The following BZW2 variants were observed in gnomAD, a reference collection of about 807,000 sequenced individuals.
The protein encoded by BZW2 is basic leucine zipper and W2 domains 2.
Under a neutral mutation model 53.2 loss-of-function variants are expected in BZW2, and 23 were observed. The ratio of observed to expected loss-of-function variants is 0.43; its 90% CI spans 0.31 to 0.61. The LOEUF (loss-of-function observed/expected upper bound fraction) is 0.61. Among genes scored for constraint, BZW2 ranks in the 20% least tolerant of loss-of-function variants. The pLI is 0.09. For synonymous variants in BZW2, 227 were observed against 186.4 expected, an observed-to-expected ratio of 1.22 and a Z score of -1.77; for missense variants, 409 against 503.1, an observed-to-expected ratio of 0.81 and a Z score of 1.79.
At chr7:16,698,362 C>T (rs554325422) in intron 10 of BZW2, 176 bp downstream of exon 10, 15 of 817,566 alleles carry the variant, frequency 1.8e-5, no homozygotes, top group South Asian at 1.1e-4. Flanking sequence ...GAGGCATACA[C>T]GCCATATATG....
chr7:16,681,600 G>A (rs189511776), intron 4 of BZW2, among the ~76,000 whole-genome samples, 196 bp downstream of exon 4: 439 of 152,306 alleles, frequency 2.9e-3, no homozygotes, highest in Non-Finnish European at 5.3e-3. Flanking sequence ...GGAGGCCATG[G>A]CAGGCGGATC....
At chr7:16,673,199 G>A (rs1051599996) in intron 2 of BZW2, among the ~76,000 whole-genome samples, 2 of 152,162 alleles carry the variant, frequency 1.3e-5, no homozygotes, top group African/African-American at 2.4e-5. Context: ...GCCCGCCTCG[G>A]CCTCCCAAAG....
chr7:16,671,896 C>T (rs1216647780), intron 2 of BZW2, among the ~76,000 whole-genome samples: 1 of 133,520 alleles, frequency 7.5e-6, no homozygotes, highest in Admixed American at 7.9e-5. Flanking sequence ...GCGCCACTGC[C>T]CTCCAGCCTG....
chr7:16,691,455 C>T (rs1391303037), intron 7 of BZW2, among the ~76,000 whole-genome samples: 1 of 152,238 alleles, frequency 6.6e-6, no homozygotes, highest in Non-Finnish European at 1.5e-5. Context: ...CTAAGCCTGG[C>T]TTAGTTCCAC....
intron 1 of BZW2, among the ~76,000 whole-genome samples, chr7:16,649,793 G>C (rs1396945527): frequency 6.6e-6 from 1 of 152,132 alleles, no homozygotes. Flanking sequence ...TGGATGAGAA[G>C]ACAGCTGAGA....
At chr7:16,654,506 A>C in intron 1 of BZW2, among the ~76,000 whole-genome samples, 1 of 100,864 alleles carries the variant, frequency 9.9e-6, no homozygotes, top group Non-Finnish European at 1.9e-5. Context: ...TTTTCTGTAT[A>C]TAACCCCCCC....
intron 4 of BZW2, among the ~76,000 whole-genome samples, chr7:16,682,391 A>G (rs888955057): frequency 3.3e-5 from 5 of 152,168 alleles, no homozygotes; most frequent in Admixed American, 2.0e-4. Context: ...TTGTCCACCT[A>G]GAGTAGAATC....
intron 6 of BZW2, chr7:16,687,611 C>T (rs762403749): frequency 5.3e-5 from 8 of 152,008 alleles, no homozygotes; most frequent in Non-Finnish European, 8.8e-5. Context: ...ATCCCAGCTG[C>T]TCAGGAGACT....
At chr7:16,681,280 C>G (rs779225462) in intron 3 of BZW2, 21 bp from the exon 4 acceptor site, 1 of 1,585,986 alleles carries the variant, frequency 6.3e-7, no homozygotes, top group East Asian at 2.2e-5. Flanking sequence ...ATCCTAATTA[C>G]AATTACCTTT....
At position 16,661,069 on chromosome 7, in the gene BZW2, A is replaced by T. The variant is rs578126064; in HGVS notation, c.-7-4368A>T. On this transcript the variant is annotated intron_variant, in intron 1 of 11. Transcript: ENST00000258761. ...TGTTGTGTTCCCTGCTTTAGAGTAT[A>T]TATGCTCATAAAGTTGTTTGAATAA... 1.6e-4 allele frequency: 24 copies of T among 152,250 alleles called. No individual in the cohort carries two copies. The South Asian group carries it at 4.8e-3, about 30-fold the overall frequency. 9.4% of individuals were successfully genotyped at this position (152,250 alleles called of 1,614,324 possible). A position where few individuals can be genotyped will look rare whatever the true frequency, so the allele number is the denominator to read the frequency against.
chr7:16,662,915 C>G (rs566157544), intron 1 of BZW2, among the ~76,000 whole-genome samples: 1 of 152,228 alleles, frequency 6.6e-6, no homozygotes, highest in South Asian at 2.1e-4. Context: ...GACCCAACAC[C>G]CAAATTCTTG....
chr7:16,694,779 T>A, intron 7 of BZW2, 55 bp from the exon 8 acceptor site: 3 of 1,379,740 alleles, frequency 2.2e-6, no homozygotes, highest in Non-Finnish European at 2.9e-6. Flanking sequence ...TTGTCCTTTA[T>A]GCTTGCTGAA....
At position 16,686,166 on chromosome 7, in the gene BZW2, C is replaced by G. The variant is rs960490057; in HGVS notation, c.541+126C>G. On this transcript the variant is annotated intron_variant, in intron 6 of 11. Coordinates refer to ENST00000258761, the MANE Select transcript of BZW2 (RefSeq NM_014038.3). ...ACTCATTCTTCATTTAAGAGAATAT[C>G]TTTGTATGGGTGTATATTGCCTTTC... The G allele has an allele frequency of 2.2e-6, 3 of 1,391,878 alleles. No individual in the cohort carries two copies. The African/African-American group carries it at 4.3e-5, about 20-fold the overall frequency. 86.2% of individuals were successfully genotyped at this position (1,391,878 alleles called of 1,614,324 possible).
At chr7:16,690,938 C>G (rs1419302997) in intron 7 of BZW2, among the ~76,000 whole-genome samples, 1 of 152,216 alleles carries the variant, frequency 6.6e-6, no homozygotes, top group Non-Finnish European at 1.5e-5. Context: ...CTTCACCTGG[C>G]CTGTTCTCTG....
At chr7:16,660,667 C>A in intron 1 of BZW2, among the ~76,000 whole-genome samples, 1 of 151,980 alleles carries the variant, frequency 6.6e-6, no homozygotes. Context: ...TAACCATTAG[C>A]CACACTGTTT....
At chr7:16,663,397 G>A (rs1562478981) in intron 1 of BZW2, among the ~76,000 whole-genome samples, 1 of 151,980 alleles carries the variant, frequency 6.6e-6, no homozygotes, top group Non-Finnish European at 1.5e-5. Context: ...TTACTTTATA[G>A]GGTTGGCAAA....
rs1270365116 is a variant in BZW2 at position 16,688,755 on chromosome 7, C to G, written c.542-1042C>G. Among the ~76,000 whole-genome samples, 6 of 152,052 alleles carry G rather than the reference C, an allele frequency of 3.9e-5. No homozygotes were observed. The South Asian group carries it at 1.2e-3, about 31-fold the overall frequency. Reference sequence around the variant, plus strand: ...AAATTTGAAGTGTTCATAGAACTGTCTTCTTGTTATCTGATTATTTCTATT... The same window carrying G: ...AAATTTGAAGTGTTCATAGAACTGTGTTCTTGTTATCTGATTATTTCTATT... On this transcript the variant is annotated intron_variant, in intron 6 of 11. Transcript: ENST00000258761.
intron 11 of BZW2, among the ~76,000 whole-genome samples, chr7:16,705,325 G>A (rs1471506371): frequency 6.7e-6 from 1 of 150,034 alleles, no homozygotes; most frequent in Admixed American, 6.7e-5. Context: ...GCCACTGCAC[G>A]CCAGCCTGGA....
intron 7 of BZW2, among the ~76,000 whole-genome samples, chr7:16,693,383 A>C (rs997582234): frequency 6.6e-6 from 1 of 152,242 alleles, no homozygotes; most frequent in African/African-American, 2.4e-5. Flanking sequence ...TTCATAAGTG[A>C]ACTACGAGTG....
Sources: allele counts gnomAD v4.1 joint callset (sites outside exome capture counted in the v4.1 genomes callset), GRCh38; gene constraint gnomAD v4.1.1; transcripts MANE v1.5; gene names NCBI Gene and HGNC (gene_info 2026-07-23, HGNC 2026-07-21).